Variants in DOCK7 observed in about 807,000 individuals in gnomAD.
DOCK7 encodes the protein dedicator of cytokinesis protein 7.
In DOCK7, 138 loss-of-function variants were observed where a neutral mutation model predicts 271.0. That is an observed-to-expected ratio of 0.51 (90% CI 0.44 to 0.59). DOCK7 has a LOEUF of 0.59. DOCK7 is among the 20% of genes least tolerant of loss of function. DOCK7 has a pLI of 0.00. For missense variants in DOCK7, 2,066 were observed against 2,592.4 expected (o/e 0.80, Z 4.41); for synonymous variants, 823 against 876.1 (o/e 0.94, Z 1.07).
At chr1:62,598,426 T>C (rs1649614909) in intron 14 of DOCK7, among the ~76,000 whole-genome samples, 1 of 151,976 alleles carries the variant, frequency 6.6e-6, no homozygotes, top group Non-Finnish European at 1.5e-5. Flanking sequence ...ATACAGTAAA[T>C]GGAAAAGATT....
At chr1:62,616,695 C>T (rs1387898847) in intron 14 of DOCK7, among the ~76,000 whole-genome samples, 4 of 151,588 alleles carry the variant, frequency 2.6e-5, no homozygotes, top group African/African-American at 9.7e-5. Context: ...ACTGAATAAA[C>T]TAATTTAAAT....
At chr1:62,543,903 C>T (rs935957219) in intron 23 of DOCK7, among the ~76,000 whole-genome samples, 158 bp from the exon 24 acceptor site, 4 of 152,076 alleles carry the variant, frequency 2.6e-5, no homozygotes, top group African/African-American at 9.7e-5. Flanking sequence ...TGTTAAGCTG[C>T]TTTAATGACA....
At position 62,545,222 on chromosome 1, in the gene DOCK7, C is replaced by T. The variant is rs537419375; in HGVS notation, c.2767-183G>A. On this transcript the variant is annotated intron_variant, in intron 22 of 49. Transcript: ENST00000635253. ...TCATCAAAATTATCTTATTATATAACACAATTTTAAAAAAAATCACCAAGA... is the reference window on the plus strand; with the variant it reads ...TCATCAAAATTATCTTATTATATAATACAATTTTAAAAAAAATCACCAAGA... 2.1e-3 allele frequency among the ~76,000 whole-genome samples: 316 copies of T among 152,092 alleles called. 2 individuals are homozygous for T. The highest frequency in any genetic ancestry group is 7.3e-3 in the African/African-American group (301 of 41,494).
chr1:62,628,156 CT>C (rs537154462), intron 11 of DOCK7: 12 of 152,238 alleles, frequency 7.9e-5, no homozygotes, highest in Non-Finnish European at 1.6e-4. Flanking sequence ...CCTAGATCCC[CT>C]GCATGTGCAG....
At chr1:62,536,298 T>C (rs2149386993) in intron 28 of DOCK7, among the ~76,000 whole-genome samples, 1 of 152,284 alleles carries the variant, frequency 6.6e-6, no homozygotes, top group South Asian at 2.1e-4. Flanking sequence ...GTCTCTGTTA[T>C]CTGAAAGAAT....
intron 1 of DOCK7, among the ~76,000 whole-genome samples, chr1:62,684,867 C>A (rs1036079260): frequency 2.0e-5 from 3 of 152,066 alleles, no homozygotes; most frequent in Non-Finnish European, 4.4e-5. Context: ...CAAATCACAG[C>A]CTCAAAAAAT....
chr1:62,586,427 C>T, intron 15 of DOCK7, 80 bp downstream of exon 15: 1 of 961,996 alleles, frequency 1.0e-6, no homozygotes, highest in Non-Finnish European at 1.5e-6. Flanking sequence ...TTCCAGGTTG[C>T]AGTTGCCAAC....
Position 62,625,243 on chromosome 1 carries a change from C to T in DOCK7, c.1425+16G>A, listed in dbSNP as rs1653792407. Reference sequence around the variant, plus strand: ...CACAAACATCTCCCCAAAATTCCTACATGACAGAACAATACCTGCTTAAAA... The same window carrying T: ...CACAAACATCTCCCCAAAATTCCTATATGACAGAACAATACCTGCTTAAAA... On this transcript the variant is annotated intron_variant, in intron 12 of 49. Coordinates refer to ENST00000635253, the MANE Select transcript of DOCK7 (RefSeq NM_001367561.1). 1 of 1,611,104 alleles carries T rather than the reference C, an allele frequency of 6.2e-7. No individual in the cohort carries two copies. The highest frequency in any genetic ancestry group is 8.5e-7 in the Non-Finnish European group (1 of 1,178,872).
At chr1:62,508,590 C>T (rs972635929) in intron 34 of DOCK7, among the ~76,000 whole-genome samples, 1 of 151,998 alleles carries the variant, frequency 6.6e-6, no homozygotes, top group African/African-American at 2.4e-5. Flanking sequence ...GGAAACACAA[C>T]AAATTTGGGG....
chr1:62,594,328 T>C (rs1164409640), intron 14 of DOCK7, among the ~76,000 whole-genome samples: 1 of 150,480 alleles, frequency 6.6e-6, no homozygotes, highest in African/African-American at 2.5e-5. Context: ...TTAGGCAAAT[T>C]ACTTTAATTA....
At chr1:62,614,211 T>C (rs540653431) in intron 14 of DOCK7, among the ~76,000 whole-genome samples, 1 of 152,250 alleles carries the variant, frequency 6.6e-6, no homozygotes, top group South Asian at 2.1e-4. Context: ...TGGAACTTTC[T>C]GTAAATTATT....
chr1:62,559,310 T>C (rs1268786572), intron 19 of DOCK7, 90 bp from the exon 20 acceptor site: 1 of 907,274 alleles, frequency 1.1e-6, no homozygotes, highest in African/African-American at 1.7e-5. Flanking sequence ...ACATGTCATA[T>C]TACTTGATAA....
chr1:62,568,606 A>G (rs549218765), intron 18 of DOCK7, among the ~76,000 whole-genome samples: 1 of 121,436 alleles, frequency 8.2e-6, no homozygotes, highest in Non-Finnish European at 1.8e-5. Flanking sequence ...TGCCCTGCCT[A>G]AAAAAAAAAA....
intron 11 of DOCK7, chr1:62,628,537 T>C (rs1448467770): frequency 6.6e-6 from 1 of 152,156 alleles, no homozygotes; most frequent in East Asian, 1.9e-4. Context: ...AACATACAAA[T>C]ATTAACTCAA....
chr1:62,595,473 T>A lies in DOCK7; in HGVS notation c.1683-8849A>T, dbSNP rs929261301. Among the ~76,000 whole-genome samples the A allele has an allele frequency of 4.6e-5, 7 of 152,218 alleles. No individual in the cohort carries two copies. The East Asian group carries it at 1.3e-3, about 29-fold the overall frequency. On this transcript the variant is annotated intron_variant, in intron 14 of 49. Transcript: ENST00000635253. Reference sequence around the variant, plus strand: ...GACCAAAGGTCACAAAGCTGAAGAATATGAAATCCGGGATTCTGATTCAGG... The same window carrying A: ...GACCAAAGGTCACAAAGCTGAAGAAAATGAAATCCGGGATTCTGATTCAGG...
At chr1:62,555,236 C>T (rs1307003951) in intron 21 of DOCK7, 1 of 152,184 alleles carries the variant, frequency 6.6e-6, no homozygotes, top group East Asian at 1.9e-4. Flanking sequence ...CAGAACTTTC[C>T]TAGAGAACAA....
At position 62,465,640 on chromosome 1, in the gene DOCK7, C is replaced by T. The variant is rs146310859; in HGVS notation, c.6213-7935G>A. ...AATCTCAGCTCACTGCAACCTCTGC[C>T]ACCCAGGTTCAAGTGATTTTCCTGC... On this transcript the variant is annotated intron_variant, in intron 48 of 49. Coordinates refer to ENST00000635253, the MANE Select transcript of DOCK7 (RefSeq NM_001367561.1). Among the ~76,000 whole-genome samples the T allele has an allele frequency of 4.8e-3, 729 of 152,322 alleles. 3 individuals carry two copies. Among genetic ancestry groups the T allele is most frequent in the African/African-American group, 0.017 (686 of 41,560 alleles).
chr1:62,536,046 C>T (rs1172721488), intron 28 of DOCK7, among the ~76,000 whole-genome samples: 1 of 152,028 alleles, frequency 6.6e-6, no homozygotes, highest in East Asian at 1.9e-4. Context: ...AAATTCGAAA[C>T]ACCAGTACAA....
intron 27 of DOCK7, among the ~76,000 whole-genome samples, chr1:62,539,207 C>T (rs1162396752): frequency 1.3e-5 from 2 of 152,124 alleles, no homozygotes; most frequent in Non-Finnish European, 2.9e-5. Flanking sequence ...GAAGTCCACT[C>T]GGTATAAATG....
Sources: allele counts gnomAD v4.1 joint callset (sites outside exome capture counted in the v4.1 genomes callset), GRCh38; gene constraint gnomAD v4.1.1; transcripts MANE v1.5; gene names NCBI Gene and HGNC (gene_info 2026-07-23, HGNC 2026-07-21).